The following EIF3G variants were observed in gnomAD, a reference collection of about 807,000 sequenced individuals.
EIF3G encodes the protein eukaryotic translation initiation factor 3 RNA-binding subunit.
Under a neutral mutation model 41.7 loss-of-function variants are expected in EIF3G, and 10 were observed. That is an observed-to-expected ratio of 0.24 (90% CI 0.15 to 0.41). The LOEUF is 0.41. Among genes scored for constraint, EIF3G ranks in the 10% least tolerant of loss-of-function variants. The pLI is 1.00. For synonymous variants in EIF3G, 204 were observed against 172.5 expected (o/e 1.18, Z -1.43); for missense variants, 297 against 444.0 (o/e 0.67, Z 2.98).
rs754638574 is a variant in EIF3G at position 10,115,561 on chromosome 19, G to A, written c.865C>T (p.Arg289Cys). The change falls in exon 10 of 11, where the codon CGC becomes TGC. Residue 289 changes from arginine to cysteine, a missense_variant. By Grantham distance (180) the Arg-to-Cys change is radical (BLOSUM62 -3). This residue lies in a region of EIF3G where 91 missense variants were observed against 170.5 expected (regional missense o/e 0.53). Coordinates refer to ENST00000253108, the MANE Select transcript of EIF3G (RefSeq NM_003755.5). ...ATGGCACGCGCAGCATCCTCGCGGCGGTGGAAGCTGATGAAGGCAAAGCCC... is the reference window on the plus strand; with the variant it reads ...ATGGCACGCGCAGCATCCTCGCGGCAGTGGAAGCTGATGAAGGCAAAGCCC... ...SKGFAFISFH[R>C]REDAARAIAG... 1.9e-6 allele frequency: 3 copies of A among 1,613,828 alleles called. No individual in the cohort carries two copies. The highest frequency in any genetic ancestry group is 2.2e-5 in the South Asian group (2 of 91,032).
In EIF3G at chr19:10,116,050, T is replaced by C; in HGVS notation, c.620A>G (p.Gln207Arg). The change falls in exon 8 of 11, where the codon CAG becomes CGG. Residue 207 changes from glutamine to arginine, a missense_variant. This residue lies in a region of EIF3G where 33 missense variants were observed against 30.3 expected (regional missense o/e 1.09). Transcript: ENST00000253108. The surrounding 1 kb of genome is among the most constrained non-coding windows in gnomAD (Gnocchi z 4.1). ...CGGCACATACTTCCCTGTCTTGTTC[T>C]GCGTGGCCTGCACCGGCTCTAGCTC... ...PGELEPVQATQNKTGKYVPPS... is the reference protein window; with the variant it reads ...PGELEPVQATRNKTGKYVPPS... 6.2e-7 allele frequency: 1 copy of C among 1,613,948 alleles called. No individual in the cohort carries two copies. The highest frequency in any genetic ancestry group is 1.3e-5 in the African/African-American group (1 of 75,068).
chr19:10,117,497 C>T (rs1341337066), intron 5 of EIF3G: 2 of 310,376 alleles, frequency 6.4e-6, no homozygotes, highest in Non-Finnish European at 1.2e-5. Context: ...CAGGGGTCCA[C>T]CTAGACCTCC....
intron 3 of EIF3G, 61 bp downstream of exon 3, chr19:10,119,027 G>T (rs1038937692): frequency 6.2e-7 from 1 of 1,611,522 alleles, no homozygotes; most frequent in Non-Finnish European, 8.5e-7. Flanking sequence ...AGGGCTGGAG[G>T]GAGAGGCAGC....
In EIF3G at chr19:10,116,176, A is replaced by G; in HGVS notation, c.596-102T>C. On this transcript the variant is annotated intron_variant, in intron 7 of 10. Coordinates refer to ENST00000253108, the MANE Select transcript of EIF3G (RefSeq NM_003755.5). This position sits in a 1 kb window ranked among gnomAD's most constrained non-coding sequence, Gnocchi z 4.1. Reference sequence around the variant, plus strand: ...GCTTCAGTGTTGAGCCAGCGCAGGCACTGTGTGCCAAACCACAGGCAGCCA... The same window carrying G: ...GCTTCAGTGTTGAGCCAGCGCAGGCGCTGTGTGCCAAACCACAGGCAGCCA... 8.3e-7 allele frequency: 1 copy of G among 1,206,088 alleles called. No homozygotes were observed. The highest frequency in any genetic ancestry group is 1.2e-6 in the Non-Finnish European group (1 of 860,964). 74.7% of individuals were successfully genotyped at this position (1,206,088 alleles called of 1,614,324 possible).
At chr19:10,119,026 G>A (rs767442961) in intron 3 of EIF3G, 62 bp downstream of exon 3, 43 of 1,611,446 alleles carry the variant, frequency 2.7e-5, no homozygotes, top group Middle Eastern at 1.6e-4. Context: ...CAGGGCTGGA[G>A]GGAGAGGCAG....
Position 10,119,071 on chromosome 19 carries a change from C to T in EIF3G, c.151+17G>A, listed in dbSNP as rs1408957574. ...CGAGTGGCAGTCCTCACTCACCTCC[C>T]GGCAGTCCTCACTCACCTCCCGGCA... On this transcript the variant is annotated intron_variant, in intron 3 of 10. Coordinates refer to ENST00000253108, the MANE Select transcript of EIF3G (RefSeq NM_003755.5). 1.3e-5 allele frequency: 7 copies of T among 521,272 alleles called. No individual in the cohort carries two copies. Among genetic ancestry groups the T allele is most frequent in the Non-Finnish European group, 1.9e-5 (7 of 361,288 alleles). 32.3% of individuals were successfully genotyped at this position (521,272 alleles called of 1,614,324 possible).
At position 10,115,597 on chromosome 19, in the gene EIF3G, C is replaced by A. The variant is rs200786997; in HGVS notation, c.841-12G>T. On this transcript the variant is annotated splice_polypyrimidine_tract_variant and intron_variant, in intron 9 of 10. Coordinates refer to ENST00000253108, the MANE Select transcript of EIF3G (RefSeq NM_003755.5). ...ATGAAGGCAAAGCCCTGTGGAGGGGCGGGATGGGGTCGGGCACGAGCTAGG... is the reference window on the plus strand; with the variant it reads ...ATGAAGGCAAAGCCCTGTGGAGGGGAGGGATGGGGTCGGGCACGAGCTAGG... 10 of 1,597,830 alleles carry A rather than the reference C, an allele frequency of 6.3e-6. No homozygotes were observed. The highest frequency in any genetic ancestry group is 6.8e-6 in the Non-Finnish European group (8 of 1,169,668).
At position 10,115,598 on chromosome 19, in the gene EIF3G, G is replaced by C. The variant is rs770016640; in HGVS notation, c.841-13C>G. On this transcript the variant is annotated splice_polypyrimidine_tract_variant and intron_variant, in intron 9 of 10. Coordinates refer to ENST00000253108, the MANE Select transcript of EIF3G (RefSeq NM_003755.5). ...TGAAGGCAAAGCCCTGTGGAGGGGCGGGATGGGGTCGGGCACGAGCTAGGA... is the reference window on the plus strand; with the variant it reads ...TGAAGGCAAAGCCCTGTGGAGGGGCCGGATGGGGTCGGGCACGAGCTAGGA... 1.2e-6 allele frequency: 2 copies of C among 1,612,210 alleles called. No homozygotes were observed. The highest frequency in any genetic ancestry group is 1.7e-6 in the Non-Finnish European group (2 of 1,178,660).
intron 1 of EIF3G, 54 bp from the exon 2 acceptor site, chr19:10,119,754 C>T: frequency 6.2e-7 from 1 of 1,613,166 alleles, no homozygotes; most frequent in Admixed American, 1.7e-5. Flanking sequence ...GCCCGGCTCC[C>T]GCAGCCTCGG....
Position 10,116,189 on chromosome 19 carries a change from C to T in EIF3G, c.596-115G>A. 9.7e-7 allele frequency: 1 copy of T among 1,033,252 alleles called. No homozygotes were observed. The highest frequency in any genetic ancestry group is 1.4e-6 in the Non-Finnish European group (1 of 714,030). The allele number at this position is 1,033,252 out of a possible 1,614,324, so 64.0% of individuals were successfully genotyped here. A position where few individuals can be genotyped will look rare whatever the true frequency, so the allele number is the denominator to read the frequency against. ...GCCAGCGCAGGCACTGTGTGCCAAACCACAGGCAGCCAGTTGGCCACGAGG... is the reference window on the plus strand; with the variant it reads ...GCCAGCGCAGGCACTGTGTGCCAAATCACAGGCAGCCAGTTGGCCACGAGG... On this transcript the variant is annotated intron_variant, in intron 7 of 10. Coordinates refer to ENST00000253108, the MANE Select transcript of EIF3G (RefSeq NM_003755.5). This position sits in a 1 kb window ranked among gnomAD's most constrained non-coding sequence, Gnocchi z 4.1.
rs2089214127 is a variant in EIF3G, at chr19:10,115,026, A to C, written c.*88T>G. On this transcript the variant is annotated 3_prime_UTR_variant, in exon 11 of 11. Transcript: ENST00000253108. ...AAAAAGAACCAAGTAGAGAGAGTGG[A>C]GCTGCTTTATTGCCCTTGGAGCCCG... 13 of 1,577,780 alleles carry C rather than the reference A, an allele frequency of 8.2e-6. No individual in the cohort carries two copies. In the Admixed American group the frequency reaches 2.3e-4, roughly 28 times the overall value.
intron 5 of EIF3G, chr19:10,118,368 C>G: frequency 2.7e-6 from 1 of 369,572 alleles, no homozygotes; most frequent in South Asian, 2.3e-5. Flanking sequence ...GAGTTCGAGA[C>G]CAGCCTGGCC....
At chr19:10,119,023 G>C in intron 3 of EIF3G, 65 bp downstream of exon 3, 1 of 1,612,238 alleles carries the variant, frequency 6.2e-7, no homozygotes. Context: ...CGGCAGGGCT[G>C]GAGGGAGAGG....
chr19:10,119,406 G>A (rs1388225193), intron 2 of EIF3G: 3 of 744,146 alleles, frequency 4.0e-6, no homozygotes, highest in Admixed American at 4.0e-5. Context: ...GGCGCCAGTA[G>A]AGAAACAGGA....
chr19:10,115,338 GA>G (rs905773184), intron 10 of EIF3G, 140 bp downstream of exon 10: 21 of 1,187,486 alleles, frequency 1.8e-5, no homozygotes, highest in Non-Finnish European at 2.2e-5. Flanking sequence ...CCCGGTTTTG[GA>G]AAAAAACAAT....
chr19:10,116,632 G>T lies in EIF3G; in HGVS notation c.595+168C>A. On this transcript the variant is annotated intron_variant, in intron 7 of 10. Transcript: ENST00000253108. The surrounding 1 kb of genome is among the most constrained non-coding windows in gnomAD (Gnocchi z 4.1). ...GCCAAGTCGCACATATATGGGAGAC[G>T]CCCGTCTCCCAACCATAGGAGGTAC... 1.5e-6 allele frequency: 1 copy of T among 654,366 alleles called. No homozygotes were observed. Among genetic ancestry groups the T allele is most frequent in the East Asian group, 2.7e-5 (1 of 37,072 alleles). 40.5% of individuals were successfully genotyped at this position (654,366 alleles called of 1,614,324 possible). A position where few individuals can be genotyped will look rare whatever the true frequency, so the allele number is the denominator to read the frequency against.
rs1481886583 is a variant in EIF3G, at chr19:10,119,473, G to A, written c.67+181C>T. 19 of 807,886 alleles carry A rather than the reference G, an allele frequency of 2.4e-5. 1 individual carries two copies. Among genetic ancestry groups the A allele is most frequent in the South Asian group, 1.7e-4 (12 of 69,038 alleles). The allele number at this position is 807,886 out of a possible 1,614,324, so 50.0% of individuals were successfully genotyped here. A position where few individuals can be genotyped will look rare whatever the true frequency, so the allele number is the denominator to read the frequency against. On this transcript the variant is annotated intron_variant, in intron 2 of 10. Transcript: ENST00000253108. ...GAACAGCTGGGAGGCAGTGGCATGG[G>A]AGGAAGAGGGACCCGCCGGGGAACA...
rs559482584 is a variant in EIF3G, at chr19:10,115,588, G to A, written c.841-3C>T. On this transcript the variant is annotated splice_polypyrimidine_tract_variant and splice_region_variant and intron_variant, in intron 9 of 10. Transcript: ENST00000253108. The stretch of plus-strand genomic sequence containing the variant: ...TGGAAGCTGATGAAGGCAAAGCCCT[G>A]TGGAGGGGCGGGATGGGGTCGGGCA... 3.7e-6 allele frequency: 6 copies of A among 1,612,904 alleles called. No individual in the cohort carries two copies. In the African/African-American group the frequency reaches 8.0e-5, roughly 21 times the overall value.
chr19:10,118,859 C>G lies in EIF3G; in HGVS notation c.240+9G>C. 1 of 1,613,780 alleles carries G rather than the reference C, an allele frequency of 6.2e-7. No homozygotes were observed. On this transcript the variant is annotated intron_variant, in intron 4 of 10. Transcript: ENST00000253108. ...AAGGGTCCCCACTCCCTGCACCCCC[C>G]ACCCTCACCTTGAACTTCTTGCCAT...
Sources: allele counts gnomAD v4.1 joint callset, GRCh38; gene constraint gnomAD v4.1.1; regional missense constraint gnomAD v4.1.1; non-coding constraint Gnocchi (gnomAD v3.1); transcripts MANE v1.5; gene names NCBI Gene and HGNC (gene_info 2026-07-23, HGNC 2026-07-21).